CEP112: variants seen among roughly 807,000 people sequenced by gnomAD.
CEP112 encodes the protein centrosomal protein 112, also known as centrosomal protein of 112 kDa.
A neutral mutation model predicts 153.0 loss-of-function variants in CEP112; 127 were observed. The observed-to-expected ratio is 0.83, with a 90% CI of 0.72 to 0.96. CEP112 has a LOEUF of 0.96. CEP112 is among the 40% of genes least tolerant of loss of function. The pLI is 0.00. For missense variants in CEP112, 1,089 were observed against 1,101.2 expected (o/e 0.99, Z 0.16); for synonymous variants, 358 against 374.4 (o/e 0.96, Z 0.51).
chr17:65,898,878 C>CA (rs948498184), intron 20 of CEP112, among the ~76,000 whole-genome samples: 4 of 152,092 alleles, frequency 2.6e-5, no homozygotes, highest in Admixed American at 2.6e-4. Flanking sequence ...CTACGGTAGT[C>CA]ACACACACCA....
chr17:65,777,848 A>G (rs766227278), intron 21 of CEP112, among the ~76,000 whole-genome samples: 2 of 152,208 alleles, frequency 1.3e-5, no homozygotes, highest in Non-Finnish European at 2.9e-5. Context: ...AGAAGTTTGA[A>G]TGGCACTGTA....
intron 4 of CEP112, among the ~76,000 whole-genome samples, chr17:66,167,272 G>T (rs1018065180): frequency 5.3e-5 from 8 of 152,022 alleles, no homozygotes; most frequent in Admixed American, 3.9e-4. Flanking sequence ...AACAAGCAAG[G>T]CCCTGATGAA....
Position 65,847,104 on chromosome 17 carries a change from C to T in CEP112, c.2394+4700G>A, listed in dbSNP as rs112404187. ...CCAACTGGACAAAAACCGAACTCAT[C>T]GCACTCAACACCAGCCTATGTAAAA... On this transcript the variant is annotated intron_variant, in intron 21 of 26. Transcript: ENST00000535342. Among the ~76,000 whole-genome samples, 1,470 of 152,286 alleles carry T rather than the reference C, an allele frequency of 9.7e-3. 16 individuals are homozygous for T. The highest frequency in any genetic ancestry group is 0.017 in the Non-Finnish European group (1,125 of 68,012).
intron 9 of CEP112, among the ~76,000 whole-genome samples, chr17:66,067,805 T>C (rs1169173868): frequency 1.3e-5 from 2 of 152,202 alleles, no homozygotes; most frequent in Admixed American, 6.5e-5. Flanking sequence ...TGTCATAAAG[T>C]GGCAGAGAGA....
rs199771110 is a variant in CEP112 at position 65,635,951 on chromosome 17, C to T, written c.*20G>A. The T allele has an allele frequency of 3.9e-5, 62 of 1,598,894 alleles. No individual in the cohort carries two copies. Among genetic ancestry groups the T allele is most frequent in the African/African-American group, 3.7e-4 (28 of 74,916 alleles). On this transcript the variant is annotated 3_prime_UTR_variant, in exon 27 of 27. Transcript: ENST00000535342. ...CACAGCACAGCCTGGAAATTGCATC[C>T]GTTGCATTCTCTCGTGCAGTTACCT...
intron 6 of CEP112, among the ~76,000 whole-genome samples, chr17:66,100,305 C>T (rs2068514827): frequency 6.6e-6 from 1 of 150,750 alleles, no homozygotes; most frequent in African/African-American, 2.4e-5. Context: ...GAGGCTGAGG[C>T]AGGAGAATGG....
intron 19 of CEP112, among the ~76,000 whole-genome samples, chr17:65,920,365 ATATAT>A (rs2060664159): frequency 3.0e-5 from 1 of 32,822 alleles, no homozygotes; most frequent in Non-Finnish European, 5.2e-5. Context: ...CAAACAAAAT[ATATAT>A]ATATATATAT....
intron 23 of CEP112, among the ~76,000 whole-genome samples, chr17:65,704,324 G>C (rs1235909783): frequency 6.6e-6 from 1 of 151,956 alleles, no homozygotes; most frequent in African/African-American, 2.4e-5. Context: ...AACCCACCCA[G>C]TTTTTGGTTC....
At chr17:65,917,343 G>A (rs953494567) in intron 19 of CEP112, among the ~76,000 whole-genome samples, 4 of 152,140 alleles carry the variant, frequency 2.6e-5, no homozygotes, top group Non-Finnish European at 5.9e-5. Context: ...AAGAATAAAA[G>A]AGAGTAAGAG....
intron 8 of CEP112, among the ~76,000 whole-genome samples, chr17:66,086,021 T>TATATGATC (rs1320092425): frequency 6.8e-6 from 1 of 147,470 alleles, no homozygotes; most frequent in East Asian, 2.0e-4. Context: ...CTATATACAG[T>TATATGATC]ATATGATCTA....
chr17:66,146,776 T>G (rs2070937050), intron 4 of CEP112, among the ~76,000 whole-genome samples: 1 of 152,168 alleles, frequency 6.6e-6, no homozygotes, highest in South Asian at 2.1e-4. Context: ...TGTCTTTTTG[T>G]GACTGGTTTA....
intron 24 of CEP112, among the ~76,000 whole-genome samples, chr17:65,651,686 T>TTTCC (rs149352419): frequency 2.0e-5 from 3 of 149,210 alleles, no homozygotes; most frequent in Admixed American, 1.3e-4. Flanking sequence ...TCCTTCCTTC[T>TTTCC]TTCCTTCCTT....
At chr17:65,664,732 G>A (rs2046600796) in intron 24 of CEP112, among the ~76,000 whole-genome samples, 1 of 152,212 alleles carries the variant, frequency 6.6e-6, no homozygotes, top group African/African-American at 2.4e-5. Context: ...ACACCATCAA[G>A]GACACAGCAT....
chr17:65,771,582 A>T (rs2053358614), intron 21 of CEP112, among the ~76,000 whole-genome samples: 1 of 152,212 alleles, frequency 6.6e-6, no homozygotes, highest in Non-Finnish European at 1.5e-5. Flanking sequence ...CATAAAATAA[A>T]TTTCAGTAAA....
chr17:65,695,358 C>T lies in CEP112; in HGVS notation c.2608-6140G>A. Reference sequence around the variant, plus strand: ...TAGCTAACATGCCCATTGAATGGCACTTGTGACAGTACAGGGCTTTTCTGT... The same window carrying T: ...TAGCTAACATGCCCATTGAATGGCATTTGTGACAGTACAGGGCTTTTCTGT... On this transcript the variant is annotated intron_variant, in intron 23 of 26. Transcript: ENST00000535342. 1.3e-5 allele frequency among the ~76,000 whole-genome samples: 2 copies of T among 152,138 alleles called. 1 individual carries two copies.
At chr17:65,650,139 GTTCTTGTTTT>G (rs1480718115) in intron 24 of CEP112, among the ~76,000 whole-genome samples, 3 of 152,148 alleles carry the variant, frequency 2.0e-5, no homozygotes, top group African/African-American at 7.2e-5. Context: ...CAACAGGATG[GTTCTTGTTTT>G]TTCTCTAATT....
chr17:65,957,252 G>T (rs1399307547), intron 18 of CEP112, among the ~76,000 whole-genome samples: 3 of 152,038 alleles, frequency 2.0e-5, no homozygotes, highest in Admixed American at 2.0e-4. Context: ...AAAATAAAAC[G>T]CTAAAAAAGA....
At chr17:65,886,599 C>A (rs2059286349) in intron 20 of CEP112, among the ~76,000 whole-genome samples, 1 of 152,138 alleles carries the variant, frequency 6.6e-6, no homozygotes, top group Non-Finnish European at 1.5e-5. Flanking sequence ...GGGACTGGCC[C>A]AATTCGGAAT....
chr17:66,112,254 G>A (rs115239972), intron 6 of CEP112, among the ~76,000 whole-genome samples: 3,043 of 151,846 alleles, frequency 0.02, 115 homozygotes, highest in African/African-American at 0.07. Context: ...TGGGGCCATC[G>A]CACTCCAGCC....
Sources: allele counts gnomAD v4.1 joint callset (sites outside exome capture counted in the v4.1 genomes callset), GRCh38; gene constraint gnomAD v4.1.1; transcripts MANE v1.5; gene names NCBI Gene and HGNC (gene_info 2026-07-23, HGNC 2026-07-21).